The following ANO1 variants were observed in gnomAD, a reference collection of about 807,000 sequenced individuals.
ANO1 encodes anoctamin-1.
In ANO1, 59 loss-of-function variants were observed where a neutral mutation model predicts 124.0. That is an observed-to-expected ratio of 0.48 (90% CI 0.39 to 0.59). ANO1 has a LOEUF of 0.59. Ranked by LOEUF, ANO1 falls within the 20% of genes least tolerant of loss-of-function variation. The pLI, the probability that ANO1 is intolerant of heterozygous loss-of-function variation, is 0.00. For synonymous variants in ANO1, 529 were observed against 532.0 expected, an observed-to-expected ratio of 0.99 and a Z score of 0.08; for missense variants, 1,059 against 1,328.0, an observed-to-expected ratio of 0.80 and a Z score of 3.15.
chr11:70,161,111 G>A (rs2048023961), intron 16 of ANO1, 50 bp from the exon 17 acceptor site: 1 of 1,542,312 alleles, frequency 6.5e-7, no homozygotes, highest in East Asian at 2.3e-5. Context: ...GCAGGCCCAG[G>A]AAGGTCCTGG....
chr11:70,157,365 T>TGAA (rs2047859215), intron 16 of ANO1, among the ~76,000 whole-genome samples: 3 of 44,974 alleles, frequency 6.7e-5, no homozygotes, highest in South Asian at 1.3e-3. Flanking sequence ...AGACTCTGTC[T>TGAA]CAAAAAAAAA....
intron 19 of ANO1, among the ~76,000 whole-genome samples, chr11:70,164,167 A>G (rs181642183): frequency 6.6e-6 from 1 of 152,314 alleles, no homozygotes; most frequent in African/African-American, 2.4e-5. Flanking sequence ...CAGGGGCTCC[A>G]TCAGACCAAG....
At chr11:69,966,593 A>C in the ANO1 span, among the ~76,000 whole-genome samples, 2 of 151,908 alleles carry the variant, frequency 1.3e-5, no homozygotes, top group Non-Finnish European at 2.9e-5. Flanking sequence ...TGGAGGAAAG[A>C]GCGATGGAAG....
chr11:70,056,191 T>A (rs1857431816), intron 1 of ANO1: 1 of 152,124 alleles, frequency 6.6e-6, no homozygotes, highest in African/African-American at 2.4e-5. Flanking sequence ...CTATTTCTTT[T>A]AGTGCAGGTC....
At chr11:70,170,102 C>T (rs757485012) in intron 21 of ANO1, 2 of 454,918 alleles carry the variant, frequency 4.4e-6, no homozygotes, top group Non-Finnish European at 8.8e-6. Context: ...GGCAGTGGGT[C>T]CCCACCCGGA....
intron 11 of ANO1, among the ~76,000 whole-genome samples, chr11:70,142,534 G>A (rs977938898): frequency 2.6e-5 from 4 of 151,964 alleles, no homozygotes; most frequent in Non-Finnish European, 4.4e-5. Flanking sequence ...CCCCCGCCCC[G>A]CCACTCCCCA....
intron 10 of ANO1, chr11:70,129,376 C>T (rs2046653676): frequency 6.6e-6 from 1 of 152,242 alleles, no homozygotes; most frequent in Non-Finnish European, 1.5e-5. Flanking sequence ...TCAGCAACCC[C>T]ATTCTGCAGC....
At chr11:70,148,779 G>A (rs1012892477) in intron 11 of ANO1, among the ~76,000 whole-genome samples, 2 of 152,218 alleles carry the variant, frequency 1.3e-5, no homozygotes, top group Admixed American at 6.5e-5. Flanking sequence ...GCACCTCTGG[G>A]AACTGGGGGC....
At chr11:70,155,131 A>G (rs1236476576) in intron 14 of ANO1, among the ~76,000 whole-genome samples, 1 of 152,242 alleles carries the variant, frequency 6.6e-6, no homozygotes, top group African/African-American at 2.4e-5. Context: ...CAGTGAGCAT[A>G]GGTGGGTATT....
chr11:70,142,488 C>G (rs1372438326), intron 11 of ANO1, among the ~76,000 whole-genome samples: 3 of 152,218 alleles, frequency 2.0e-5, no homozygotes, highest in Non-Finnish European at 4.4e-5. Context: ...TCCCACCCAT[C>G]TCTGCCGAGC....
At chr11:70,152,940 C>A in intron 13 of ANO1, 117 bp from the exon 14 acceptor site, 1 of 825,028 alleles carries the variant, frequency 1.2e-6, no homozygotes, top group Non-Finnish European at 2.0e-6. Flanking sequence ...CAACTATGAA[C>A]TGGACCCAAA....
At chr11:70,016,543 G>T (rs1183781564) in intron 1 of ANO1, 1 of 152,300 alleles carries the variant, frequency 6.6e-6, no homozygotes, top group African/African-American at 2.4e-5. Context: ...AGCCTGGGAT[G>T]CTGCGGATGG....
At chr11:70,180,364 C>T (rs1184662130) in intron 23 of ANO1, among the ~76,000 whole-genome samples, 1 of 152,136 alleles carries the variant, frequency 6.6e-6, no homozygotes, top group Non-Finnish European at 1.5e-5. Context: ...CCTCCGCCTC[C>T]CAGGTTCAAG....
the ANO1 span, among the ~76,000 whole-genome samples, chr11:69,980,866 A>T: frequency 6.6e-6 from 1 of 152,158 alleles, no homozygotes; most frequent in Non-Finnish European, 1.5e-5. Context: ...ATCCTGGCCA[A>T]CATGGTGAAA....
intron 8 of ANO1, among the ~76,000 whole-genome samples, chr11:70,117,109 T>G: frequency 6.9e-6 from 1 of 145,692 alleles, no homozygotes; most frequent in Non-Finnish European, 1.5e-5. Context: ...TCTTTTTTTT[T>G]TTTTTTTTTT....
At chr11:70,096,469 A>G (rs1439095095) in intron 2 of ANO1, among the ~76,000 whole-genome samples, 1 of 152,296 alleles carries the variant, frequency 6.6e-6, no homozygotes, top group South Asian at 2.1e-4. Context: ...CAGTGACATG[A>G]CATTCTCACT....
At chr11:69,980,388 T>C in the ANO1 span, among the ~76,000 whole-genome samples, 26,746 of 150,464 alleles carry the variant, frequency 0.18, 2,861 homozygotes, top group East Asian at 0.3. Flanking sequence ...CTTTGGGAGG[T>C]CAAGGCGGGT....
chr11:70,078,662 T>G lies in ANO1; in HGVS notation c.56T>G (p.Ile19Ser). ...TLPAEDRSVH[I>S]INICAIEDIG... ...CCGGCCGAGGACCGCAGCGTCCACA[T>G]CATCAACATCTGCGCCATCGAGGAC... is the stretch of plus-strand genomic sequence containing the variant. Residue 19 changes from isoleucine to serine, a missense_variant, in exon 1 of 26, where the codon ATC (isoleucine) becomes AGC (serine). Coordinates refer to ENST00000355303, the MANE Select transcript of ANO1 (RefSeq NM_018043.7). 2 of 1,499,550 alleles carry G rather than the reference T, an allele frequency of 1.3e-6. No individual in the cohort carries two copies. The highest frequency in any genetic ancestry group is 1.8e-6 in the Non-Finnish European group (2 of 1,113,796). 92.9% of individuals were successfully genotyped at this position (1,499,550 alleles called of 1,614,324 possible).
chr11:69,987,528 A>G (rs2120279202), intron 1 of ANO1, among the ~76,000 whole-genome samples: 1 of 146,134 alleles, frequency 6.8e-6, no homozygotes, highest in African/African-American at 2.6e-5. Context: ...CTGAGGCAGG[A>G]GGATCGCTTG....
Sources: allele counts gnomAD v4.1 joint callset (sites outside exome capture counted in the v4.1 genomes callset), GRCh38; gene constraint gnomAD v4.1.1; transcripts MANE v1.5; gene names NCBI Gene and HGNC (gene_info 2026-07-23, HGNC 2026-07-21).